KLF12: variants seen among roughly 807,000 people sequenced by gnomAD.
KLF12 encodes KLF transcription factor 12.
A neutral mutation model predicts 37.8 loss-of-function variants in KLF12; 9 were observed. That is an observed-to-expected ratio of 0.24 (90% CI 0.14 to 0.42). The LOEUF (loss-of-function observed/expected upper bound fraction) is 0.42, where lower values mean the gene tolerates loss of function less well. KLF12 is among the 10% of genes least tolerant of loss of function. The pLI is 1.00. For synonymous variants in KLF12, 208 were observed against 202.1 expected, an observed-to-expected ratio of 1.03 and a Z score of -0.25; for missense variants, 411 against 516.0, an observed-to-expected ratio of 0.80 and a Z score of 1.97.
intron 7 of KLF12, among the ~76,000 whole-genome samples, chr13:73,710,358 T>C (rs1050305710): frequency 4.0e-5 from 6 of 150,918 alleles, no homozygotes; most frequent in Non-Finnish European, 5.9e-5. Context: ...CTTCACTTTA[T>C]TGCATTTCGA....
At chr13:73,852,591 A>C (rs946273654) in intron 3 of KLF12, among the ~76,000 whole-genome samples, 1 of 152,022 alleles carries the variant, frequency 6.6e-6, no homozygotes, top group Non-Finnish European at 1.5e-5. Flanking sequence ...GACCAGCCCA[A>C]CATAGTGAAA....
intron 1 of KLF12, among the ~76,000 whole-genome samples, chr13:74,127,316 T>C (rs17313537): frequency 0.056 from 8,496 of 152,300 alleles, 352 homozygotes; most frequent in Non-Finnish European, 0.079. Flanking sequence ...CGAGGAATGG[T>C]TGACAGCGTT....
the KLF12 span, among the ~76,000 whole-genome samples, chr13:74,215,365 C>T: frequency 1.3e-5 from 2 of 149,362 alleles, no homozygotes; most frequent in Non-Finnish European, 3.0e-5. Context: ...CCTCTGTATT[C>T]CATATTTAGG....
the KLF12 span, among the ~76,000 whole-genome samples, chr13:74,177,645 A>G: frequency 0.039 from 5,902 of 152,280 alleles, 354 homozygotes; most frequent in African/African-American, 0.13. Flanking sequence ...CACTGGTGAC[A>G]GTAAATTAAT....
At chr13:74,118,497 C>T (rs1593914994) in intron 1 of KLF12, among the ~76,000 whole-genome samples, 1 of 152,140 alleles carries the variant, frequency 6.6e-6, no homozygotes, top group Admixed American at 6.5e-5. Context: ...AATCTGGTTT[C>T]CTCTGAATGG....
chr13:74,092,320 C>G (rs1334534013), intron 1 of KLF12, among the ~76,000 whole-genome samples: 1 of 143,682 alleles, frequency 7.0e-6, no homozygotes, highest in African/African-American at 2.6e-5. Context: ...AAGAGTTGGA[C>G]TTCATCAAAA....
chr13:74,295,632 C>T, the KLF12 span, among the ~76,000 whole-genome samples: 2 of 152,174 alleles, frequency 1.3e-5, no homozygotes, highest in Admixed American at 6.5e-5. Flanking sequence ...ATTTTTCGAT[C>T]CTTAATGATT....
At chr13:73,895,968 G>A (rs964672878) in intron 3 of KLF12, among the ~76,000 whole-genome samples, 3 of 151,920 alleles carry the variant, frequency 2.0e-5, no homozygotes, top group East Asian at 1.9e-4. Flanking sequence ...CTACAGCCGC[G>A]TGCCACCACG....
intron 3 of KLF12, among the ~76,000 whole-genome samples, chr13:73,926,660 G>A (rs1167881242): frequency 6.8e-6 from 1 of 147,020 alleles, no homozygotes; most frequent in Non-Finnish European, 1.5e-5. Flanking sequence ...AAATAAAGGA[G>A]AACCAAAGGT....
intron 5 of KLF12, among the ~76,000 whole-genome samples, chr13:73,793,144 C>T (rs1001743187): frequency 6.6e-6 from 1 of 152,200 alleles, no homozygotes; most frequent in African/African-American, 2.4e-5. Flanking sequence ...ACTACCATCT[C>T]TTGAGGTTTT....
chr13:73,789,350 A>C (rs1881528921), intron 5 of KLF12, among the ~76,000 whole-genome samples: 1 of 152,172 alleles, frequency 6.6e-6, no homozygotes, highest in South Asian at 2.1e-4. Context: ...GTAAATGAGC[A>C]CCCTAAGGAT....
the KLF12 span, among the ~76,000 whole-genome samples, chr13:74,264,589 G>T: frequency 6.6e-6 from 1 of 152,114 alleles, no homozygotes; most frequent in Non-Finnish European, 1.5e-5. Flanking sequence ...ATTCAAAATA[G>T]CTCAGGTAAA....
the KLF12 span, among the ~76,000 whole-genome samples, chr13:74,247,325 T>C: frequency 6.6e-6 from 1 of 152,196 alleles, no homozygotes; most frequent in Non-Finnish European, 1.5e-5. Context: ...ATGGACTAAA[T>C]AGCAGCATTT....
At chr13:74,080,504 A>G (rs1874817049) in intron 1 of KLF12, among the ~76,000 whole-genome samples, 2 of 150,778 alleles carry the variant, frequency 1.3e-5, no homozygotes, top group Admixed American at 1.3e-4. Context: ...GTACGTTTAA[A>G]AATGGTTAAG....
At chr13:73,931,917 G>A (rs1889704055) in intron 3 of KLF12, among the ~76,000 whole-genome samples, 1 of 151,378 alleles carries the variant, frequency 6.6e-6, no homozygotes, top group South Asian at 2.1e-4. Context: ...AACCCAGAAG[G>A]CTCATTCGAC....
intron 1 of KLF12, among the ~76,000 whole-genome samples, chr13:74,048,916 G>A (rs975465362): frequency 6.6e-6 from 1 of 152,180 alleles, no homozygotes; most frequent in Non-Finnish European, 1.5e-5. Flanking sequence ...AGCCGAATGA[G>A]GGAGGCCGGC....
the KLF12 span, among the ~76,000 whole-genome samples, chr13:74,298,966 C>T: frequency 1.3e-5 from 2 of 152,060 alleles, no homozygotes; most frequent in African/African-American, 4.8e-5. Context: ...TTAGAGCAAC[C>T]TCAAAGAACG....
At chr13:73,954,460 AT>A (rs2139426851) in intron 2 of KLF12, among the ~76,000 whole-genome samples, 1 of 152,294 alleles carries the variant, frequency 6.6e-6, no homozygotes, top group African/African-American at 2.4e-5. Context: ...TGATCTTTAG[AT>A]TTTTACTTCA....
chr13:74,144,327 G>A, the KLF12 span, among the ~76,000 whole-genome samples: 1 of 152,152 alleles, frequency 6.6e-6, no homozygotes, highest in Non-Finnish European at 1.5e-5. Flanking sequence ...ACAGATTACT[G>A]TGGGTCTCAG....
Sources: gnomAD v4.1 joint callset for allele counts (sites outside exome capture counted in the v4.1 genomes callset) on GRCh38, gnomAD v4.1.1 for gene constraint, MANE v1.5 for transcripts, NCBI Gene and HGNC (gene_info 2026-07-23, HGNC 2026-07-21) for gene names.